Variants in TMEM182 observed in about 807,000 individuals in gnomAD.
The protein encoded by TMEM182 is transmembrane protein 182.
Under a neutral mutation model 26.8 loss-of-function variants are expected in TMEM182, and 20 were observed. The ratio of observed to expected loss-of-function variants is 0.75; its 90% CI spans 0.53 to 1.09. The LOEUF (loss-of-function observed/expected upper bound fraction) is 1.09, where lower values mean the gene tolerates loss of function less well. Ranked by LOEUF, TMEM182 falls within the 50% of genes least tolerant of loss-of-function variation. The pLI, the probability that TMEM182 is intolerant of heterozygous loss-of-function variation, is 0.00. For missense variants in TMEM182, 277 were observed against 275.5 expected (o/e 1.01, Z -0.04); for synonymous variants, 109 against 102.2 (o/e 1.07, Z -0.40).
chr2:102,741,691 C>T (rs549839204), intron 1 of TMEM182, among the ~76,000 whole-genome samples: 1 of 152,212 alleles, frequency 6.6e-6, no homozygotes, highest in Non-Finnish European at 1.5e-5. Context: ...AGAACCTTTC[C>T]CCTACCCAAC....
At chr2:102,795,015 T>G (rs1236787712) in intron 3 of TMEM182, among the ~76,000 whole-genome samples, 5 of 152,320 alleles carry the variant, frequency 3.3e-5, no homozygotes, top group Non-Finnish European at 5.9e-5. Context: ...TTTCTCATAT[T>G]GAATAATTTT....
downstream of TMEM182, among the ~76,000 whole-genome samples, chr2:102,821,003 G>T (rs952633563): frequency 6.6e-6 from 1 of 152,096 alleles, no homozygotes; most frequent in Non-Finnish European, 1.5e-5. Flanking sequence ...ACATGTCCAC[G>T]TTTCAACCCT....
chr2:102,785,029 C>G (rs980786139), intron 3 of TMEM182, among the ~76,000 whole-genome samples: 1 of 152,148 alleles, frequency 6.6e-6, no homozygotes, highest in African/African-American at 2.4e-5. Flanking sequence ...GATGGAGTTG[C>G]TCTGGTTCCA....
chr2:102,785,494 A>G (rs534362406), intron 3 of TMEM182, among the ~76,000 whole-genome samples: 11 of 152,384 alleles, frequency 7.2e-5, no homozygotes, highest in East Asian at 3.9e-4. Flanking sequence ...TGTATCACCA[A>G]TAAGTGCTCT....
chr2:102,773,444 G>A (rs1373313856), intron 3 of TMEM182, among the ~76,000 whole-genome samples: 1 of 151,728 alleles, frequency 6.6e-6, no homozygotes, highest in Non-Finnish European at 1.5e-5. Context: ...GCGAGGGAGC[G>A]AGCCATGCAA....
At chr2:102,799,674 G>A (rs1336701426) in intron 4 of TMEM182, among the ~76,000 whole-genome samples, 4 of 152,210 alleles carry the variant, frequency 2.6e-5, no homozygotes, top group East Asian at 1.9e-4. Flanking sequence ...TGAGCAGCAC[G>A]CCTTCCTTCT....
At chr2:102,842,928 A>G (rs896106772) in intron 3 of TMEM182, among the ~76,000 whole-genome samples, 9 of 152,114 alleles carry the variant, frequency 5.9e-5, no homozygotes, top group Non-Finnish European at 1.2e-4. Context: ...CTGATGACAT[A>G]CATGGAGGGG....
chr2:102,748,971 T>C (rs941486615), intron 1 of TMEM182, among the ~76,000 whole-genome samples: 5 of 152,178 alleles, frequency 3.3e-5, no homozygotes, highest in Non-Finnish European at 5.9e-5. Context: ...ATAAATAATG[T>C]ATGACACAGA....
rs574014211 is a variant in TMEM182, at chr2:102,753,628, C to T, written c.-82-4761C>T. On this transcript the variant is annotated intron_variant, in intron 1 of 5. Transcript: ENST00000409173. ...TCAAAAGATCCTCCTTCCACAGCCT[C>T]CCAAAGTGCTTGGATTACAGACATA... Among the ~76,000 whole-genome samples the T allele has an allele frequency of 6.6e-5, 10 of 152,294 alleles. No individual in the cohort carries two copies. The East Asian group carries it at 1.7e-3, about 26-fold the overall frequency.
In TMEM182 at chr2:102,825,505, A is replaced by G. The variant is rs75426132; in HGVS notation, c.326-17907A>G. On this transcript the variant is annotated intron_variant, in intron 3 of 3. Transcript: ENST00000486293. Reference sequence around the variant, plus strand: ...ATAGCCAAGCCAGCATAGCTCAGACACACAGACATGGTCAGTGTTTGAGTC... The same window carrying G: ...ATAGCCAAGCCAGCATAGCTCAGACGCACAGACATGGTCAGTGTTTGAGTC... 8.5e-3 allele frequency among the ~76,000 whole-genome samples: 1,292 copies of G among 152,332 alleles called. 19 individuals carry two copies. Among genetic ancestry groups the G allele is most frequent in the African/African-American group, 0.03 (1,243 of 41,578 alleles).
intron 3 of TMEM182, among the ~76,000 whole-genome samples, chr2:102,840,674 C>T (rs1683333515): frequency 6.6e-6 from 1 of 152,166 alleles, no homozygotes; most frequent in Non-Finnish European, 1.5e-5. Context: ...GCTCCTTTCA[C>T]AGAAAGCAAA....
intron 1 of TMEM182, among the ~76,000 whole-genome samples, chr2:102,744,100 A>T (rs1679618291): frequency 6.6e-6 from 1 of 152,196 alleles, no homozygotes; most frequent in Non-Finnish European, 1.5e-5. Context: ...ACATCAGCAG[A>T]ATACCCCTTT....
chr2:102,787,005 G>C (rs1468618443), intron 3 of TMEM182, among the ~76,000 whole-genome samples: 1 of 152,184 alleles, frequency 6.6e-6, no homozygotes, highest in African/African-American at 2.4e-5. Context: ...AGGAAACTGA[G>C]GCATGGAGAA....
At chr2:102,757,927 T>C (rs1203100600), upstream of TMEM182, among the ~76,000 whole-genome samples, 1 of 152,012 alleles carries the variant, frequency 6.6e-6, no homozygotes, top group Non-Finnish European at 1.5e-5. Flanking sequence ...TTTAAAACTA[T>C]CAGATCTCAT....
chr2:102,834,387 TG>T (rs200642915), intron 3 of TMEM182: 14,214 of 985,294 alleles, frequency 0.014, 110 homozygotes, highest in Non-Finnish European at 0.016. Context: ...GATCTTCTCT[TG>T]GGATCCTCTG....
intron 1 of TMEM182, among the ~76,000 whole-genome samples, chr2:102,740,571 C>A (rs536356538): frequency 6.6e-6 from 1 of 152,026 alleles, no homozygotes; most frequent in Non-Finnish European, 1.5e-5. Flanking sequence ...ATAAGCAGTG[C>A]GAGAATGGAC....
At chr2:102,820,291 C>A (rs996777627), downstream of TMEM182, among the ~76,000 whole-genome samples, 3 of 152,190 alleles carry the variant, frequency 2.0e-5, no homozygotes, top group Non-Finnish European at 2.9e-5. Context: ...CTGAGACGTT[C>A]ACTAGTTTAT....
intron 3 of TMEM182, among the ~76,000 whole-genome samples, chr2:102,779,060 C>T (rs1336287205): frequency 1.3e-5 from 2 of 151,990 alleles, no homozygotes; most frequent in African/African-American, 2.4e-5. Flanking sequence ...TCTTGATTTT[C>T]CTTTCATTAC....
intron 3 of TMEM182, among the ~76,000 whole-genome samples, chr2:102,840,091 T>C (rs1475616379): frequency 6.6e-6 from 1 of 152,184 alleles, no homozygotes; most frequent in Non-Finnish European, 1.5e-5. Flanking sequence ...AAATAGAGGC[T>C]GCAACTTTTA....
Sources: gnomAD v4.1 joint callset for allele counts (sites outside exome capture counted in the v4.1 genomes callset) on GRCh38, gnomAD v4.1.1 for gene constraint, MANE v1.5 for transcripts, NCBI Gene and HGNC (gene_info 2026-07-23, HGNC 2026-07-21) for gene names.